The following PHF24 variants were observed in gnomAD, a reference collection of about 807,000 sequenced individuals.
PHF24 encodes the protein Galpha inhibitory interacting protein.
A neutral mutation model predicts 42.6 loss-of-function variants in PHF24; 25 were observed. That is an observed-to-expected ratio of 0.59 (90% CI 0.43 to 0.82). The LOEUF (loss-of-function observed/expected upper bound fraction) is 0.82. PHF24 is among the 40% of genes least tolerant of loss of function. The probability of loss-of-function intolerance (pLI) is 0.00; values close to 1 mark genes in which losing one functional copy is unlikely to be tolerated. For synonymous variants in PHF24, 185 were observed against 204.8 expected (o/e 0.90, Z 0.83); for missense variants, 470 against 538.1 (o/e 0.87, Z 1.25).
At chr9:34,888,230 T>C in the PHF24 span, among the ~76,000 whole-genome samples, 1 of 152,224 alleles carries the variant, frequency 6.6e-6, no homozygotes, top group African/African-American at 2.4e-5. Context: ...AGTGCCCTCC[T>C]ATGTACTTTC....
At chr9:34,908,520 A>T in the PHF24 span, among the ~76,000 whole-genome samples, 1 of 152,328 alleles carries the variant, frequency 6.6e-6, no homozygotes, top group South Asian at 2.1e-4. Flanking sequence ...GAGTATAAAC[A>T]AGATTTGTCA....
At chr9:34,723,327 G>A in the PHF24 span, 1 of 1,551,732 alleles carries the variant, frequency 6.4e-7, no homozygotes, top group South Asian at 1.2e-5. Context: ...GAGCCAGGTT[G>A]TCTGGAGTGT....
At chr9:34,775,536 A>C in the PHF24 span, among the ~76,000 whole-genome samples, 1 of 152,178 alleles carries the variant, frequency 6.6e-6, no homozygotes, top group Admixed American at 6.5e-5. Flanking sequence ...TAAAATGGCA[A>C]ATTTTATGTT....
the PHF24 span, among the ~76,000 whole-genome samples, chr9:34,917,020 A>G: frequency 6.6e-6 from 1 of 152,250 alleles, no homozygotes; most frequent in Non-Finnish European, 1.5e-5. Context: ...AGAATATTCA[A>G]AAGTGTGAAC....
chr9:34,934,349 A>G, the PHF24 span, among the ~76,000 whole-genome samples: 3 of 152,208 alleles, frequency 2.0e-5, no homozygotes, highest in Non-Finnish European at 4.4e-5. Flanking sequence ...AAACATCTAC[A>G]ACAACAGTAA....
At chr9:34,719,691 C>T in the PHF24 span, among the ~76,000 whole-genome samples, 1 of 152,196 alleles carries the variant, frequency 6.6e-6, no homozygotes, top group African/African-American at 2.4e-5. Context: ...GATGTATGCA[C>T]GCTAACCCCT....
the PHF24 span, among the ~76,000 whole-genome samples, chr9:34,949,501 A>G: frequency 6.6e-6 from 1 of 152,198 alleles, no homozygotes; most frequent in African/African-American, 2.4e-5. Flanking sequence ...ATTGCTGGGT[A>G]TATATCCAAA....
the PHF24 span, among the ~76,000 whole-genome samples, chr9:34,897,592 G>C: frequency 2.6e-5 from 4 of 152,150 alleles, no homozygotes; most frequent in Admixed American, 6.6e-5. Flanking sequence ...ATTAGCACAA[G>C]GGTTTCTTTT....
At chr9:34,728,468 C>T in the PHF24 span, 4 of 743,546 alleles carry the variant, frequency 5.4e-6, no homozygotes, top group Admixed American at 1.2e-4. Context: ...TATGATTTCC[C>T]ACCCATGGAA....
At chr9:34,723,294 G>C in the PHF24 span, 1 of 1,551,580 alleles carries the variant, frequency 6.4e-7, no homozygotes, top group Non-Finnish European at 8.7e-7. Context: ...GGGCAGTGGC[G>C]GGGGTAGCCC....
At chr9:34,716,640 A>T in the PHF24 span, among the ~76,000 whole-genome samples, 1 of 151,772 alleles carries the variant, frequency 6.6e-6, no homozygotes, top group African/African-American at 2.4e-5. Context: ...CCCAGGCTGG[A>T]GTGCAGTGGT....
the PHF24 span, among the ~76,000 whole-genome samples, chr9:34,933,499 T>C: frequency 6.6e-6 from 1 of 151,680 alleles, no homozygotes; most frequent in Non-Finnish European, 1.5e-5. Context: ...CCGAGGTGAG[T>C]GGATCACGAG....
the PHF24 span, among the ~76,000 whole-genome samples, chr9:34,783,671 G>T: frequency 4.6e-5 from 7 of 152,164 alleles, no homozygotes; most frequent in Admixed American, 4.6e-4. Flanking sequence ...TCAATAAGTT[G>T]TTCTGGTAAT....
the PHF24 span, among the ~76,000 whole-genome samples, chr9:34,930,531 G>T: frequency 2.0e-5 from 3 of 152,292 alleles, no homozygotes; most frequent in East Asian, 5.8e-4. Flanking sequence ...GTCCGGAAAG[G>T]GCTGGAAGGA....
At chr9:34,832,747 A>C in the PHF24 span, 2 of 1,549,566 alleles carry the variant, frequency 1.3e-6, no homozygotes, top group South Asian at 2.4e-5. Context: ...TGGCATTGCA[A>C]AGTTTGGCCC....
At chr9:34,771,089 G>A in the PHF24 span, among the ~76,000 whole-genome samples, 1 of 152,116 alleles carries the variant, frequency 6.6e-6, no homozygotes, top group Non-Finnish European at 1.5e-5. Flanking sequence ...CTCCAGTGTG[G>A]GTGACAAGAG....
the PHF24 span, among the ~76,000 whole-genome samples, chr9:34,877,075 C>T: frequency 6.6e-6 from 1 of 152,012 alleles, no homozygotes; most frequent in South Asian, 2.1e-4. Context: ...TGAGGTCAGG[C>T]GTTCGTGACC....
chr9:34,888,539 G>A, the PHF24 span, among the ~76,000 whole-genome samples: 8,223 of 152,286 alleles, frequency 0.054, 634 homozygotes, highest in African/African-American at 0.17. Context: ...TGGGCTCTCA[G>A]TTGGGTTACC....
At chr9:34,892,051 A>G in the PHF24 span, among the ~76,000 whole-genome samples, 3 of 152,222 alleles carry the variant, frequency 2.0e-5, no homozygotes, top group Admixed American at 2.0e-4. Flanking sequence ...GGAGATTTCT[A>G]AAGTCAGACC....
Sources: gnomAD v4.1 joint callset for allele counts (sites outside exome capture counted in the v4.1 genomes callset) on GRCh38, gnomAD v4.1.1 for gene constraint, MANE v1.5 for transcripts, NCBI Gene and HGNC (gene_info 2026-07-23, HGNC 2026-07-21) for gene names.